Variants in DENND1A observed in about 807,000 individuals in gnomAD.
DENND1A encodes the protein DENN domain-containing protein 1A.
DENND1A carries 51 observed loss-of-function variants against 113.7 expected under a neutral mutation model. The ratio of observed to expected loss-of-function variants is 0.45; its 90% CI spans 0.36 to 0.57. DENND1A has a LOEUF of 0.57. DENND1A is among the 20% of genes least tolerant of loss of function. DENND1A has a pLI of 0.00. For missense variants in DENND1A, 1,258 were observed against 1,395.9 expected (o/e 0.90, Z 1.57); for synonymous variants, 565 against 570.8 (o/e 0.99, Z 0.14).
chr9:123,511,279 C>T (rs980753454), intron 13 of DENND1A, among the ~76,000 whole-genome samples: 16 of 152,216 alleles, frequency 1.1e-4, no homozygotes, highest in Admixed American at 4.6e-4. Context: ...AGAAGGGTGG[C>T]TTTGGGGAAG....
chr9:123,847,175 G>C (rs1842741439), intron 2 of DENND1A, among the ~76,000 whole-genome samples: 1 of 152,086 alleles, frequency 6.6e-6, no homozygotes, highest in Non-Finnish European at 1.5e-5. Context: ...ATTAGACACA[G>C]CTGAAGAGAG....
intron 5 of DENND1A, among the ~76,000 whole-genome samples, chr9:123,707,849 G>C (rs1462078671): frequency 6.6e-6 from 1 of 152,176 alleles, no homozygotes; most frequent in Non-Finnish European, 1.5e-5. Flanking sequence ...TAAGATAGGA[G>C]AAATAGCTAC....
chr9:123,707,204 G>C (rs2066276803), intron 5 of DENND1A, among the ~76,000 whole-genome samples: 1 of 152,182 alleles, frequency 6.6e-6, no homozygotes, highest in Non-Finnish European at 1.5e-5. Flanking sequence ...AGACCAGCCT[G>C]ATCAACATCG....
chr9:123,496,317 C>T (rs1269694180), intron 13 of DENND1A, among the ~76,000 whole-genome samples: 1 of 152,226 alleles, frequency 6.6e-6, no homozygotes, highest in African/African-American at 2.4e-5. Context: ...ATCTGAAAGT[C>T]TCACTGCTTT....
intron 1 of DENND1A, among the ~76,000 whole-genome samples, chr9:123,887,444 G>A (rs1052851598): frequency 5.3e-5 from 8 of 152,114 alleles, no homozygotes; most frequent in African/African-American, 1.7e-4. Context: ...CCTGAGTGGG[G>A]TGGAAGGGTA....
intron 13 of DENND1A, among the ~76,000 whole-genome samples, chr9:123,517,791 C>A (rs2054064388): frequency 6.6e-6 from 1 of 151,782 alleles, no homozygotes. Context: ...CATATAATTG[C>A]ATGAAAAAGG....
intron 5 of DENND1A, among the ~76,000 whole-genome samples, chr9:123,695,873 T>C (rs2065480472): frequency 6.6e-6 from 1 of 151,606 alleles, no homozygotes; most frequent in Non-Finnish European, 1.5e-5. Flanking sequence ...GATAATTTTA[T>C]AGAAGGACAG....
chr9:123,431,234 T>C (rs1341290875), intron 19 of DENND1A, among the ~76,000 whole-genome samples: 1 of 152,160 alleles, frequency 6.6e-6, no homozygotes, highest in East Asian at 1.9e-4. Flanking sequence ...CTCCCACACA[T>C]GCTCAGTTTT....
intron 13 of DENND1A, among the ~76,000 whole-genome samples, chr9:123,487,416 G>A (rs1276184766): frequency 1.3e-5 from 2 of 152,172 alleles, no homozygotes; most frequent in Non-Finnish European, 2.9e-5. Context: ...TCTTCAGAAT[G>A]TTTTCTCTCT....
chr9:123,712,674 T>C (rs1398522537), intron 5 of DENND1A, among the ~76,000 whole-genome samples: 1 of 152,242 alleles, frequency 6.6e-6, no homozygotes, highest in Non-Finnish European at 1.5e-5. Flanking sequence ...GCTTCTGTTA[T>C]AACAGTGGAA....
chr9:123,398,629 G>A (rs1230897970), intron 21 of DENND1A, among the ~76,000 whole-genome samples: 5 of 151,634 alleles, frequency 3.3e-5, no homozygotes, highest in Admixed American at 6.6e-5. Context: ...CGCCCGCCTC[G>A]GCCTCCCAAA....
chr9:123,681,030 G>A (rs1237891103), intron 5 of DENND1A, among the ~76,000 whole-genome samples: 1 of 152,114 alleles, frequency 6.6e-6, no homozygotes, highest in Non-Finnish European at 1.5e-5. Context: ...CCCACTGAGG[G>A]GTCATTGGGC....
chr9:123,546,753 A>C (rs2056728810), intron 13 of DENND1A, among the ~76,000 whole-genome samples: 1 of 152,214 alleles, frequency 6.6e-6, no homozygotes, highest in Non-Finnish European at 1.5e-5. Flanking sequence ...GCTTTAAAGG[A>C]GCAAAGTAAG....
chr9:123,386,572 T>C (rs1188895353), intron 22 of DENND1A, among the ~76,000 whole-genome samples: 1 of 152,052 alleles, frequency 6.6e-6, no homozygotes, highest in African/African-American at 2.4e-5. Context: ...TAAGTAATGA[T>C]GGGGTTTCAC....
At chr9:123,445,514 T>A (rs554865580) in intron 18 of DENND1A, among the ~76,000 whole-genome samples, 1 of 152,340 alleles carries the variant, frequency 6.6e-6, no homozygotes, top group South Asian at 2.1e-4. Flanking sequence ...ACGCTGGACA[T>A]GGTCTCCAGG....
At chr9:123,513,203 G>C (rs1309873589) in intron 13 of DENND1A, among the ~76,000 whole-genome samples, 1 of 152,138 alleles carries the variant, frequency 6.6e-6, no homozygotes, top group East Asian at 1.9e-4. Context: ...AGGGCAGCCC[G>C]GTCCTCCTTG....
intron 18 of DENND1A, among the ~76,000 whole-genome samples, chr9:123,445,584 G>A (rs537387047): frequency 2.5e-4 from 38 of 152,324 alleles, no homozygotes; most frequent in African/African-American, 8.7e-4. Flanking sequence ...TAAGAAGACA[G>A]AGAGGGCCAC....
chr9:123,889,802 G>A (rs1463645763), intron 1 of DENND1A, among the ~76,000 whole-genome samples: 9 of 151,894 alleles, frequency 5.9e-5, no homozygotes, highest in African/African-American at 1.5e-4. Flanking sequence ...GTGAAACCCC[G>A]TCTCTACTAA....
chr9:123,394,702 C>A (rs2043027920), intron 21 of DENND1A, among the ~76,000 whole-genome samples: 1 of 152,240 alleles, frequency 6.6e-6, no homozygotes, highest in Admixed American at 6.5e-5. Context: ...GCTGGACACT[C>A]ACATAGGCAG....
Sources: gnomAD v4.1 joint callset for allele counts (sites outside exome capture counted in the v4.1 genomes callset) on GRCh38, gnomAD v4.1.1 for gene constraint, MANE v1.5 for transcripts, NCBI Gene and HGNC (gene_info 2026-07-23, HGNC 2026-07-21) for gene names.